The following PCNX1 variants were observed in gnomAD, a reference collection of about 807,000 sequenced individuals.
PCNX1 encodes pecanex 1.
A neutral mutation model predicts 242.2 loss-of-function variants in PCNX1; 78 were observed. The ratio of observed to expected loss-of-function variants is 0.32; its 90% CI spans 0.27 to 0.39. The LOEUF (loss-of-function observed/expected upper bound fraction) is 0.39, where lower values mean the gene tolerates loss of function less well. Ranked by LOEUF, PCNX1 falls within the 10% of genes least tolerant of loss-of-function variation. The pLI, the probability that PCNX1 is intolerant of heterozygous loss-of-function variation, is 1.00. For synonymous variants in PCNX1, 1,024 were observed against 1,032.9 expected (o/e 0.99, Z 0.17); for missense variants, 2,581 against 2,856.5 (o/e 0.90, Z 2.20).
intron 1 of PCNX1, among the ~76,000 whole-genome samples, chr14:70,917,859 C>T (rs2056212206): frequency 6.6e-6 from 1 of 152,198 alleles, no homozygotes; most frequent in Non-Finnish European, 1.5e-5. Context: ...TTTATCTACA[C>T]CAAAAATCTG....
At chr14:71,067,468 T>C (rs1465883669) in intron 26 of PCNX1, among the ~76,000 whole-genome samples, 1 of 152,200 alleles carries the variant, frequency 6.6e-6, no homozygotes, top group Non-Finnish European at 1.5e-5. Flanking sequence ...ATATCTCCTT[T>C]ATCATTTTTT....
chr14:70,995,142 A>G (rs948821568), intron 7 of PCNX1, among the ~76,000 whole-genome samples: 1 of 152,184 alleles, frequency 6.6e-6, no homozygotes, highest in South Asian at 2.1e-4. Context: ...ACCTCTGACT[A>G]TATTCCATGG....
At chr14:70,923,584 C>T (rs972177090) in intron 1 of PCNX1, among the ~76,000 whole-genome samples, 6 of 152,172 alleles carry the variant, frequency 3.9e-5, no homozygotes, top group Non-Finnish European at 8.8e-5. Flanking sequence ...GTTTCTTGTG[C>T]ATCCCACTGT....
chr14:70,939,716 A>G (rs146962588), intron 1 of PCNX1, among the ~76,000 whole-genome samples: 2 of 152,102 alleles, frequency 1.3e-5, no homozygotes, highest in Admixed American at 1.3e-4. Context: ...TGATCTGTCT[A>G]ATGTTGACAG....
At chr14:70,994,394 A>AAGATAGATAGATAGATAGATAGATAT (rs1259110057) in intron 7 of PCNX1, among the ~76,000 whole-genome samples, 18 of 44,708 alleles carry the variant, frequency 4.0e-4, no homozygotes, top group African/African-American at 1.6e-3. Context: ...CCACAGGCTT[A>AAGATAGATAGATAGATAGATAGATAT]AGATATATAT....
intron 7 of PCNX1, among the ~76,000 whole-genome samples, chr14:70,991,027 C>T (rs760765952): frequency 1.8e-4 from 28 of 152,054 alleles, no homozygotes; most frequent in Non-Finnish European, 3.7e-4. Flanking sequence ...ACTAATGAGC[C>T]TGCTGGATAC....
At chr14:70,957,995 T>G (rs55805880) in intron 2 of PCNX1, among the ~76,000 whole-genome samples, 1,864 of 152,280 alleles carry the variant, frequency 0.012, 41 homozygotes, top group African/African-American at 0.043. Context: ...TTGCTGAATA[T>G]TTGAATATTC....
chr14:70,959,527 A>G (rs1200209842), intron 2 of PCNX1, among the ~76,000 whole-genome samples: 1 of 151,300 alleles, frequency 6.6e-6, no homozygotes, highest in Non-Finnish European at 1.5e-5. Flanking sequence ...ATGATTTCCA[A>G]TTTCATTCGT....
intron 1 of PCNX1, among the ~76,000 whole-genome samples, chr14:70,937,360 A>C (rs2057049369): frequency 6.6e-6 from 1 of 152,214 alleles, no homozygotes; most frequent in Non-Finnish European, 1.5e-5. Flanking sequence ...ATGGCTAGCC[A>C]GTTTTCCCAG....
Position 70,912,658 on chromosome 14 carries a change from G to A in PCNX1, c.153+4655G>A, listed in dbSNP as rs58835218. ...TTTTGAGCAAATCTTACCACTTTCTGCTCAGAGGAAAAGACATAAATCTGT... is the reference window on the plus strand; with the variant it reads ...TTTTGAGCAAATCTTACCACTTTCTACTCAGAGGAAAAGACATAAATCTGT... On this transcript the variant is annotated intron_variant, in intron 1 of 35. Coordinates refer to ENST00000304743, the MANE Select transcript of PCNX1 (RefSeq NM_014982.3). Among the ~76,000 whole-genome samples, 1,103 of 151,688 alleles carry A rather than the reference G, an allele frequency of 7.3e-3. 19 individuals carry two copies. The highest frequency in any genetic ancestry group is 0.025 in the African/African-American group (1,041 of 41,310).
intron 1 of PCNX1, among the ~76,000 whole-genome samples, chr14:70,925,665 G>A (rs1018765645): frequency 7.1e-6 from 1 of 141,472 alleles, no homozygotes; most frequent in African/African-American, 2.7e-5. Flanking sequence ...TTTTGTCACT[G>A]TACTGCTTAA....
At chr14:71,077,336 T>G (rs536048875) in intron 28 of PCNX1, among the ~76,000 whole-genome samples, 1 of 152,326 alleles carries the variant, frequency 6.6e-6, no homozygotes, top group Admixed American at 6.5e-5. Flanking sequence ...AGCAAAAGCC[T>G]TGTGTAGTTG....
chr14:71,112,439 G>A lies in PCNX1; in HGVS notation c.*2504G>A, dbSNP rs1215309933. ...AGGAACCCTGAGAAGAAGCCCTGTT[G>A]TTTTTCTTAAGAGTCTAAAACTGAC... On this transcript the variant is annotated 3_prime_UTR_variant, in exon 36 of 36. Transcript: ENST00000304743. 1.3e-5 allele frequency: 2 copies of A among 151,924 alleles called. No individual in the cohort carries two copies. The highest frequency in any genetic ancestry group is 2.9e-5 in the Non-Finnish European group (2 of 67,876). The allele number at this position is 151,924 out of a possible 1,614,324, so 9.4% of individuals were successfully genotyped here.
chr14:71,110,271 A>C lies in PCNX1; in HGVS notation c.*336A>C. ...TCAACAAACTCTTCATTTCTAAACT[A>C]TGATCTCATATTTTTCTAATTTCTT... On this transcript the variant is annotated 3_prime_UTR_variant, in exon 36 of 36. Coordinates refer to ENST00000304743, the MANE Select transcript of PCNX1 (RefSeq NM_014982.3). 1 of 323,846 alleles carries C rather than the reference A, an allele frequency of 3.1e-6. No individual in the cohort carries two copies. The highest frequency in any genetic ancestry group is 2.8e-5 in the South Asian group (1 of 36,064). 20.1% of individuals were successfully genotyped at this position (323,846 alleles called of 1,614,324 possible). A position where few individuals can be genotyped will look rare whatever the true frequency, so the allele number is the denominator to read the frequency against.
chr14:71,036,508 AT>A (rs2140982592), intron 19 of PCNX1, among the ~76,000 whole-genome samples: 1 of 152,218 alleles, frequency 6.6e-6, no homozygotes, highest in South Asian at 2.1e-4. Flanking sequence ...AGTATTTGCC[AT>A]TGTGTTACAG....
At position 70,908,833 on chromosome 14, in the gene PCNX1, G is replaced by A. The variant is rs183423198; in HGVS notation, c.153+830G>A. Among the ~76,000 whole-genome samples the A allele has an allele frequency of 1.8e-3, 280 of 152,112 alleles. 1 individual carries two copies. Among genetic ancestry groups the A allele is most frequent in the Non-Finnish European group, 3.2e-3 (219 of 68,026 alleles). On this transcript the variant is annotated intron_variant, in intron 1 of 35. Coordinates refer to ENST00000304743, the MANE Select transcript of PCNX1 (RefSeq NM_014982.3). ...TACTGCCTGTTGCTGAATTCGGTGC[G>A]ATCAGCTTCTCTGAATCATCTGTGT...
intron 30 of PCNX1, among the ~76,000 whole-genome samples, chr14:71,097,323 T>G (rs2062317847): frequency 6.6e-6 from 1 of 152,256 alleles, no homozygotes; most frequent in Non-Finnish European, 1.5e-5. Flanking sequence ...CTTTTGGATT[T>G]ATACCTAGTA....
intron 2 of PCNX1, among the ~76,000 whole-genome samples, chr14:70,949,465 C>T (rs2057689858): frequency 6.6e-6 from 1 of 151,368 alleles, no homozygotes; most frequent in Admixed American, 6.6e-5. Context: ...TACACATACG[C>T]ATGTGTATAT....
rs1295227815 is a variant in PCNX1 at position 70,930,117 on chromosome 14, GTGTGTGTA to G, written c.154-16784_154-16777del. On this transcript the variant is annotated intron_variant, in intron 1 of 35. Transcript: ENST00000304743. ...GTGTGTGTGCCTGTGCATATGTTGT[GTGTGTGTA>G]TGTGTGTATGTGTTTGTGTGTTTTT... 5.9e-5 allele frequency among the ~76,000 whole-genome samples: 9 copies of G among 151,984 alleles called. 1 individual carries two copies. The highest frequency in any genetic ancestry group is 5.8e-4 in the East Asian group (3 of 5,180).
Sources: gnomAD v4.1 joint callset for allele counts (sites outside exome capture counted in the v4.1 genomes callset) on GRCh38, gnomAD v4.1.1 for gene constraint, MANE v1.5 for transcripts, NCBI Gene and HGNC (gene_info 2026-07-23, HGNC 2026-07-21) for gene names.